Variants in KRTAP5-6 observed in about 807,000 individuals in gnomAD.
The protein encoded by KRTAP5-6 is keratin-associated protein 5-6.
For missense variants in KRTAP5-6, 175 were observed against 157.6 expected (o/e 1.11, Z -0.59); for synonymous variants, 57 against 61.7 (o/e 0.92, Z 0.36).
rs1850705989 is a variant in KRTAP5-6, at chr11:1,697,575, C to T, written c.330C>T (p.Cys110=). 1 of 1,614,070 alleles carries T rather than the reference C, an allele frequency of 6.2e-7. No individual in the cohort carries two copies. The highest frequency in any genetic ancestry group is 1.3e-5 in the African/African-American group (1 of 75,004). ...CGSSCCQSSC[C]KPCCSQASCC... is the part of the protein sequence containing the mutation. ...CATCCTGCTGCCAGTCCAGCTGCTG[C>T]AAGCCCTGCTGTTCCCAGGCCAGCT... is the stretch of plus-strand genomic sequence containing the variant. The change falls in exon 1 of 1, where the codon TGC becomes TGT. Residue 110 remains cysteine, a synonymous_variant. Coordinates refer to ENST00000382160, the MANE Select transcript of KRTAP5-6 (RefSeq NM_001012416.1).
chr11:1,697,693 C>T lies in KRTAP5-6; in HGVS notation c.*58C>T, dbSNP rs1232190697. 11 of 1,607,006 alleles carry T rather than the reference C, an allele frequency of 6.8e-6. No individual in the cohort carries two copies. In the Admixed American group the frequency reaches 1.8e-4, roughly 27 times the overall value. On this transcript the variant is annotated 3_prime_UTR_variant, in exon 1 of 1. Coordinates refer to ENST00000382160, the MANE Select transcript of KRTAP5-6 (RefSeq NM_001012416.1). ...ATATCCACACCACCCAAGAAGTGAC[C>T]AGTGCTGCATTTCAGTTCTGGCTGT...
rs763414880 is a variant in KRTAP5-6, at chr11:1,697,367, G to A, written c.122G>A (p.Cys41Tyr). Residue 41 changes from cysteine to tyrosine, a missense_variant, in exon 1 of 1, where the codon TGT becomes TAT. Physicochemically the swap from Cys to Tyr is radical, Grantham distance 194. Transcript: ENST00000382160. Reference sequence around the variant, plus strand: ...TGCTGCTGCAAGCCCGTGTGCTGCTGTGTGCCAGCCTGTTCCTGCACCAGC... The same window carrying A: ...TGCTGCTGCAAGCCCGTGTGCTGCTATGTGCCAGCCTGTTCCTGCACCAGC... ...PICCCKPVCC[C>Y]VPACSCTSCG... 8.1e-6 allele frequency: 13 copies of A among 1,612,876 alleles called. No individual in the cohort carries two copies. The highest frequency in any genetic ancestry group is 1.1e-5 in the Non-Finnish European group (13 of 1,179,876).
In KRTAP5-6 at chr11:1,697,678, C is replaced by A; in HGVS notation, c.*43C>A. On this transcript the variant is annotated 3_prime_UTR_variant, in exon 1 of 1. Transcript: ENST00000382160. Reference sequence around the variant, plus strand: ...TCAGGTGAGTCCAGCATATCCACACCACCCAAGAAGTGACCAGTGCTGCAT... The same window carrying A: ...TCAGGTGAGTCCAGCATATCCACACAACCCAAGAAGTGACCAGTGCTGCAT... The A allele has an allele frequency of 6.2e-7, 1 of 1,612,578 alleles. No homozygotes were observed.
rs1274393316 is a variant in KRTAP5-6 at position 1,697,580 on chromosome 11, C to G, written c.335C>G (p.Pro112Arg). 2 of 1,613,876 alleles carry G rather than the reference C, an allele frequency of 1.2e-6. No homozygotes were observed. The highest frequency in any genetic ancestry group is 2.7e-5 in the African/African-American group (2 of 74,862). The change falls in exon 1 of 1, where the codon CCC becomes CGC. Residue 112 changes from proline to arginine, a missense_variant. Coordinates refer to ENST00000382160, the MANE Select transcript of KRTAP5-6 (RefSeq NM_001012416.1). Reference sequence around the variant, plus strand: ...TGCTGCCAGTCCAGCTGCTGCAAGCCCTGCTGTTCCCAGGCCAGCTGCTGT... The same window carrying G: ...TGCTGCCAGTCCAGCTGCTGCAAGCGCTGCTGTTCCCAGGCCAGCTGCTGT... Reference protein sequence around the residue: ...SSCCQSSCCKPCCSQASCCVP... With the variant: ...SSCCQSSCCKRCCSQASCCVP...
Position 1,697,739 on chromosome 11 carries a change from G to A in KRTAP5-6, c.*104G>A, listed in dbSNP as rs1304204014. 2.0e-6 allele frequency: 3 copies of A among 1,526,882 alleles called. No homozygotes were observed. The highest frequency in any genetic ancestry group is 1.2e-5 in the South Asian group (1 of 81,950). 94.6% of individuals were successfully genotyped at this position (1,526,882 alleles called of 1,614,324 possible). ...GCTGTCCCACAGCTCCAGGAGTTGT[G>A]TCCCCTGAATTTTGCAGAAGGTGAT... On this transcript the variant is annotated 3_prime_UTR_variant, in exon 1 of 1. Coordinates refer to ENST00000382160, the MANE Select transcript of KRTAP5-6 (RefSeq NM_001012416.1).
rs1325730784 is a variant in KRTAP5-6 at position 1,697,219 on chromosome 11, C to T, written c.-27C>T. 8 of 1,612,812 alleles carry T rather than the reference C, an allele frequency of 5.0e-6. No homozygotes were observed. The highest frequency in any genetic ancestry group is 6.8e-6 in the Non-Finnish European group (8 of 1,179,978). The stretch of plus-strand genomic sequence containing the variant: ...ACCTCCCTCTCACCTGCTCCTCTAC[C>T]TGCTCCACCCTCAATCCACCAGAAC... On this transcript the variant is annotated 5_prime_UTR_variant, in exon 1 of 1. Transcript: ENST00000382160.
chr11:1,697,480 G>A lies in KRTAP5-6; in HGVS notation c.235G>A (p.Gly79Ser). The change falls in exon 1 of 1, where the codon GGC becomes AGC. Residue 79 changes from glycine to serine, a missense_variant. By Grantham distance (56) the Gly-to-Ser change is moderately conservative. Coordinates refer to ENST00000382160, the MANE Select transcript of KRTAP5-6 (RefSeq NM_001012416.1). ...TGGCTCTTGTGGGGGCTCCAAGGGA[G>A]GCTGTGGCTCTTGTGGCTGCTCCCA... ...GCGSCGGSKG[G>S]CGSCGCSQCS... is the part of the protein sequence containing the mutation. 1 of 1,613,778 alleles carries A rather than the reference G, an allele frequency of 6.2e-7. No homozygotes were observed. Among genetic ancestry groups the A allele is most frequent in the Non-Finnish European group, 8.5e-7 (1 of 1,179,972 alleles).
In KRTAP5-6 at chr11:1,697,694, A is replaced by G; in HGVS notation, c.*59A>G. 1 of 1,603,994 alleles carries G rather than the reference A, an allele frequency of 6.2e-7. No homozygotes were observed. On this transcript the variant is annotated 3_prime_UTR_variant, in exon 1 of 1. Transcript: ENST00000382160. The stretch of plus-strand genomic sequence containing the variant: ...TATCCACACCACCCAAGAAGTGACC[A>G]GTGCTGCATTTCAGTTCTGGCTGTC...
In KRTAP5-6 at chr11:1,697,637, G is replaced by A. The variant is rs773854084; in HGVS notation, c.*2G>A. ...ATTTGCTGCCAGTGCAAAATCTGAG[G>A]CTCTGACTTTGGACCTCAGGTGAGT... On this transcript the variant is annotated 3_prime_UTR_variant, in exon 1 of 1. Coordinates refer to ENST00000382160, the MANE Select transcript of KRTAP5-6 (RefSeq NM_001012416.1). 5 of 1,614,132 alleles carry A rather than the reference G, an allele frequency of 3.1e-6. No individual in the cohort carries two copies. Among genetic ancestry groups the A allele is most frequent in the Non-Finnish European group, 4.2e-6 (5 of 1,180,026 alleles).
chr11:1,697,603 T>G lies in KRTAP5-6; in HGVS notation c.358T>G (p.Cys120Gly), dbSNP rs73404785. The G allele has an allele frequency of 0.046, 74,148 of 1,614,080 alleles. 3,737 individuals are homozygous for G. Among genetic ancestry groups the G allele is most frequent in the African/African-American group, 0.24 (17,954 of 74,954 alleles). Residue 120 changes from cysteine (C) to glycine (G), a missense_variant, in exon 1 of 1, where the codon TGT (cysteine) becomes GGT (glycine). Physicochemically the swap from Cys to Gly is radical, Grantham distance 159 (BLOSUM62 -3). Transcript: ENST00000382160. ...GCCCTGCTGTTCCCAGGCCAGCTGC[T>G]GTGTCCCCATTTGCTGCCAGTGCAA... The part of the protein sequence containing the change: ...CKPCCSQASC[C>G]VPICCQCKI
At position 1,697,603 on chromosome 11, in the gene KRTAP5-6, T is replaced by C. The variant is rs73404785; in HGVS notation, c.358T>C (p.Cys120Arg). 1.2e-6 allele frequency: 2 copies of C among 1,613,998 alleles called. No homozygotes were observed. The highest frequency in any genetic ancestry group is 8.5e-7 in the Non-Finnish European group (1 of 1,180,032). ...GCCCTGCTGTTCCCAGGCCAGCTGC[T>C]GTGTCCCCATTTGCTGCCAGTGCAA... ...CKPCCSQASC[C>R]VPICCQCKI The change falls in exon 1 of 1, where the codon TGT becomes CGT. Residue 120 changes from cysteine (C) to arginine (R), a missense_variant. Coordinates refer to ENST00000382160, the MANE Select transcript of KRTAP5-6 (RefSeq NM_001012416.1).
rs1850698806 is a variant in KRTAP5-6 at position 1,697,263 on chromosome 11, C to T, written c.18C>T (p.Cys6=). The change falls in exon 1 of 1, where the codon TGC becomes TGT. Residue 6 remains cysteine (C), a synonymous_variant. Transcript: ENST00000382160. ...CCAGAACCATGGGCTGCTGTGGCTG[C>T]TCTGGAGGCTGTGGCTCCGGCTGTG... The part of the protein sequence containing the change: MGCCG[C]SGGCGSGCGG... 1 of 1,613,326 alleles carries T rather than the reference C, an allele frequency of 6.2e-7. No individual in the cohort carries two copies. Among genetic ancestry groups the T allele is most frequent in the African/African-American group, 1.3e-5 (1 of 74,902 alleles).
chr11:1,697,404 T>TG lies in KRTAP5-6; in HGVS notation c.164dup (p.Ser56LeufsTer78). On this transcript the variant is annotated frameshift_variant, in exon 1 of 1. Transcript: ENST00000382160. LOFTEE classifies it low-confidence loss of function (END_TRUNC). ...GTTCCTGCACCAGCTGTGGCTCTTG[T>TG]GGGGGCTCCAAGGGGTGCTGTGGCT... 1 of 1,610,066 alleles carries TG rather than the reference T, an allele frequency of 6.2e-7. No homozygotes were observed. The highest frequency in any genetic ancestry group is 8.5e-7 in the Non-Finnish European group (1 of 1,179,086).
chr11:1,697,631 T>C lies in KRTAP5-6; in HGVS notation c.386T>C (p.Ile129Thr), dbSNP rs1303474146. ...GTCCCCATTTGCTGCCAGTGCAAAA[T>C]CTGAGGCTCTGACTTTGGACCTCAG... ...CCVPICCQCK[I>T] Residue 129 changes from isoleucine (I) to threonine (T), a missense_variant, in exon 1 of 1, where the codon ATC becomes ACC. By Grantham distance (89) the Ile-to-Thr change is moderately conservative (BLOSUM62 -1). Coordinates refer to ENST00000382160, the MANE Select transcript of KRTAP5-6 (RefSeq NM_001012416.1). 6.2e-7 allele frequency: 1 copy of C among 1,614,120 alleles called. No homozygotes were observed. Among genetic ancestry groups the C allele is most frequent in the South Asian group, 1.1e-5 (1 of 91,084 alleles).
At position 1,697,751 on chromosome 11, in the gene KRTAP5-6, T is replaced by G; in HGVS notation, c.*116T>G. The G allele has an allele frequency of 6.9e-7, 1 of 1,444,444 alleles. No homozygotes were observed. The allele number at this position is 1,444,444 out of a possible 1,614,324, so 89.5% of individuals were successfully genotyped here. A position where few individuals can be genotyped will look rare whatever the true frequency, so the allele number is the denominator to read the frequency against. The stretch of plus-strand genomic sequence containing the variant: ...CTCCAGGAGTTGTGTCCCCTGAATT[T>G]TGCAGAAGGTGATGACTCCAGGTTC... On this transcript the variant is annotated 3_prime_UTR_variant, in exon 1 of 1. Coordinates refer to ENST00000382160, the MANE Select transcript of KRTAP5-6 (RefSeq NM_001012416.1).
chr11:1,697,478 G>T lies in KRTAP5-6; in HGVS notation c.233G>T (p.Gly78Val), dbSNP rs762212932. 6.2e-7 allele frequency: 1 copy of T among 1,613,872 alleles called. No homozygotes were observed. Among genetic ancestry groups the T allele is most frequent in the South Asian group, 1.1e-5 (1 of 91,038 alleles). ...TGTGGCTCTTGTGGGGGCTCCAAGG[G>T]AGGCTGTGGCTCTTGTGGCTGCTCC... is the stretch of plus-strand genomic sequence containing the variant. Reference protein sequence around the residue: ...GGCGSCGGSKGGCGSCGCSQC... With the variant: ...GGCGSCGGSKVGCGSCGCSQC... Residue 78 changes from glycine (G) to valine (V), a missense_variant, in exon 1 of 1, where the codon GGA (glycine) becomes GTA (valine). Physicochemically the swap from Gly to Val is moderately radical, Grantham distance 109. Transcript: ENST00000382160.
chr11:1,697,405 G>A lies in KRTAP5-6; in HGVS notation c.160G>A (p.Gly54Arg). The A allele has an allele frequency of 6.2e-7, 1 of 1,612,746 alleles. No homozygotes were observed. The highest frequency in any genetic ancestry group is 8.5e-7 in the Non-Finnish European group (1 of 1,179,864). Reference protein sequence around the residue: ...ACSCTSCGSCGGSKGCCGSCG... With the variant: ...ACSCTSCGSCRGSKGCCGSCG... The stretch of plus-strand genomic sequence containing the variant: ...TTCCTGCACCAGCTGTGGCTCTTGT[G>A]GGGGCTCCAAGGGGTGCTGTGGCTC... The change falls in exon 1 of 1, where the codon GGG becomes AGG. Residue 54 changes from glycine (G) to arginine (R), a missense_variant. Coordinates refer to ENST00000382160, the MANE Select transcript of KRTAP5-6 (RefSeq NM_001012416.1).
In KRTAP5-6 at chr11:1,697,290, G is replaced by A. The variant is rs751978694; in HGVS notation, c.45G>A (p.Gly15=). Reference sequence around the variant, plus strand: ...CTGGAGGCTGTGGCTCCGGCTGTGGGGGCTGTGGCTCTGGCTGTGGGGGCT... The same window carrying A: ...CTGGAGGCTGTGGCTCCGGCTGTGGAGGCTGTGGCTCTGGCTGTGGGGGCT... ...GCSGGCGSGC[G]GCGSGCGGCG... The change falls in exon 1 of 1, where the codon GGG becomes GGA. Residue 15 remains glycine (G), a synonymous_variant. Coordinates refer to ENST00000382160, the MANE Select transcript of KRTAP5-6 (RefSeq NM_001012416.1). 7 of 1,612,858 alleles carry A rather than the reference G, an allele frequency of 4.3e-6. No individual in the cohort carries two copies. The highest frequency in any genetic ancestry group is 5.9e-6 in the Non-Finnish European group (7 of 1,179,688).
rs1215046465 is a variant in KRTAP5-6 at position 1,697,437 on chromosome 11, G to C, written c.192G>C (p.Gly64=). ...GGSKGCCGSC[G]GSKGGCGSCG... is the part of the protein sequence containing the mutation. ...CCAAGGGGTGCTGTGGCTCTTGTGGGGGCTCCAAAGGGGGCTGTGGCTCTT... is the reference window on the plus strand; with the variant it reads ...CCAAGGGGTGCTGTGGCTCTTGTGGCGGCTCCAAAGGGGGCTGTGGCTCTT... Residue 64 remains glycine (G), a synonymous_variant, in exon 1 of 1, where the codon GGG becomes GGC. Coordinates refer to ENST00000382160, the MANE Select transcript of KRTAP5-6 (RefSeq NM_001012416.1). 1.9e-6 allele frequency: 3 copies of C among 1,611,754 alleles called. No individual in the cohort carries two copies. In the African/African-American group the frequency reaches 4.0e-5, roughly 22 times the overall value.
Sources: gnomAD v4.1 joint callset for allele counts on GRCh38, gnomAD v4.1.1 for gene constraint, MANE v1.5 for transcripts, NCBI Gene and HGNC (gene_info 2026-07-23, HGNC 2026-07-21) for gene names.